SETD2: variants seen among roughly 807,000 people sequenced by gnomAD.
SETD2 encodes histone-lysine N-methyltransferase SETD2.
Under a neutral mutation model 242.1 loss-of-function variants are expected in SETD2, and 31 were observed. The ratio of observed to expected loss-of-function variants is 0.13; its 90% CI spans 0.10 to 0.17. SETD2 has a LOEUF of 0.17. Among genes scored for constraint, SETD2 ranks in the 10% least tolerant of loss-of-function variants. SETD2 has a pLI of 1.00. For missense variants in SETD2, 2,481 were observed against 3,046.3 expected (o/e 0.81, Z 4.37); for synonymous variants, 1,006 against 1,066.5 (o/e 0.94, Z 1.11).
intron 5 of SETD2, among the ~76,000 whole-genome samples, chr3:47,109,557 G>A (rs982514305): frequency 6.6e-6 from 1 of 151,768 alleles, no homozygotes; most frequent in Non-Finnish European, 1.5e-5. Context: ...CTAAGGTTGG[G>A]GGATCACCTG....
intron 1 of SETD2, among the ~76,000 whole-genome samples, chr3:47,150,040 T>C (rs2043948102): frequency 7.3e-6 from 1 of 137,686 alleles, no homozygotes; most frequent in African/African-American, 2.7e-5. Flanking sequence ...TTTTTTTTTT[T>C]TTTTTTTTGA....
intron 13 of SETD2, chr3:47,064,597 C>T (rs1262056399): frequency 5.3e-6 from 2 of 374,004 alleles, no homozygotes; most frequent in East Asian, 9.5e-5. Context: ...ATATGTGAGG[C>T]AGACAAGTCA....
rs183601200 is a variant in SETD2 at position 47,116,500 on chromosome 3, T to A, written c.4586+123A>T. On this transcript the variant is annotated intron_variant, in intron 4 of 20. Coordinates refer to ENST00000409792, the MANE Select transcript of SETD2 (RefSeq NM_014159.7). ...CTATACATCAAAGTGTCTACTATAC[T>A]TTTTTGCTTGTAGTCATCCATAGGT... 6,875 of 888,124 alleles carry A rather than the reference T, an allele frequency of 7.7e-3. 33 individuals carry two copies. Among genetic ancestry groups the A allele is most frequent in the Non-Finnish European group, 0.01 (5,999 of 583,378 alleles). 55.0% of individuals were successfully genotyped at this position (888,124 alleles called of 1,614,324 possible).
intron 16 of SETD2, 140 bp downstream of exon 16, chr3:47,046,346 AT>A (rs199738270): frequency 0.027 from 16,038 of 589,252 alleles, 34 homozygotes; most frequent in East Asian, 0.064. Flanking sequence ...CAAAAAAAAA[AT>A]AAAATAAAAT....
At chr3:47,095,770 A>G (rs915831715) in intron 9 of SETD2, among the ~76,000 whole-genome samples, 1 of 152,174 alleles carries the variant, frequency 6.6e-6, no homozygotes, top group Non-Finnish European at 1.5e-5. Flanking sequence ...AAAAAAAGAA[A>G]AACTTTCAAA....
At position 47,121,461 on chromosome 3, in the gene SETD2, T is replaced by C; in HGVS notation, c.3175A>G (p.Ser1059Gly). Residue 1059 changes from serine to glycine, a missense_variant, in exon 3 of 21, where the codon AGC becomes GGC. By Grantham distance (56) the Ser-to-Gly change is moderately conservative. Coordinates refer to ENST00000409792, the MANE Select transcript of SETD2 (RefSeq NM_014159.7). ...TGGAGACGGTTTCTTGGAATACTGC[T>C]ATCATCCGAATCTGTATCTTCTGAA... is the stretch of plus-strand genomic sequence containing the variant. ...SDSEDTDSDD[S>G]SIPRNRLQSV... The C allele has an allele frequency of 1.2e-6, 2 of 1,613,474 alleles. No homozygotes were observed. The highest frequency in any genetic ancestry group is 1.7e-6 in the Non-Finnish European group (2 of 1,179,996).
At chr3:47,029,399 A>G (rs1034584706) in intron 18 of SETD2, among the ~76,000 whole-genome samples, 8 of 151,604 alleles carry the variant, frequency 5.3e-5, no homozygotes, top group Non-Finnish European at 7.4e-5. Context: ...CCCTGTCTTT[A>G]TCTGGTCATG....
At chr3:47,039,622 T>C (rs2039180934) in intron 17 of SETD2, among the ~76,000 whole-genome samples, 1 of 150,692 alleles carries the variant, frequency 6.6e-6, no homozygotes. Context: ...TCCCAGCACT[T>C]TGGGAGGCCG....
Position 47,123,412 on chromosome 3 carries a change from C to G in SETD2, c.1224G>C (p.Arg408Ser), listed in dbSNP as rs2106703173. 1 of 1,551,670 alleles carries G rather than the reference C, an allele frequency of 6.4e-7. No individual in the cohort carries two copies. Among genetic ancestry groups the G allele is most frequent in the East Asian group, 2.4e-5 (1 of 40,918 alleles). Residue 408 changes from arginine to serine, a missense_variant, in exon 3 of 21, where the codon AGG becomes AGC. Coordinates refer to ENST00000409792, the MANE Select transcript of SETD2 (RefSeq NM_014159.7). ...RERRRSRSHS[R>S]SERGSRTNLS... is the part of the protein sequence containing the mutation. The stretch of plus-strand genomic sequence containing the variant: ...AATTAGTTCTAGAGCCTCTCTCAGA[C>G]CTAGAGTGAGATCTGCTCCGCCGTC...
chr3:47,158,618 C>T (rs769666892), intron 1 of SETD2, among the ~76,000 whole-genome samples: 1 of 152,142 alleles, frequency 6.6e-6, no homozygotes, highest in African/African-American at 2.4e-5. Context: ...GTATATAATA[C>T]ACATAACATA....
In SETD2 at chr3:47,088,320, T is replaced by G; in HGVS notation, c.5143-73A>C. The G allele has an allele frequency of 6.8e-6, 10 of 1,467,586 alleles. No homozygotes were observed. In the South Asian group the frequency reaches 1.3e-4, roughly 19 times the overall value. 90.9% of individuals were successfully genotyped at this position (1,467,586 alleles called of 1,614,324 possible). A position where few individuals can be genotyped will look rare whatever the true frequency, so the allele number is the denominator to read the frequency against. On this transcript the variant is annotated intron_variant, in intron 9 of 20. Coordinates refer to ENST00000409792, the MANE Select transcript of SETD2 (RefSeq NM_014159.7). ...AAAAAAAACCAAAAACCCAAAAAGTTGCTCAACCTTATCAATTATCAGGAA... is the reference window on the plus strand; with the variant it reads ...AAAAAAAACCAAAAACCCAAAAAGTGGCTCAACCTTATCAATTATCAGGAA...
chr3:47,134,271 A>G (rs2043544850), intron 1 of SETD2, among the ~76,000 whole-genome samples: 1 of 152,230 alleles, frequency 6.6e-6, no homozygotes, highest in African/African-American at 2.4e-5. Flanking sequence ...TTTGGAACGA[A>G]TGAGTTAAAG....
At chr3:47,103,265 C>A in intron 7 of SETD2, 81 bp downstream of exon 7, 4 of 881,712 alleles carry the variant, frequency 4.5e-6, no homozygotes, top group South Asian at 4.4e-5. Context: ...TCATGAGTAC[C>A]TTAGATATGG....
At chr3:47,041,284 T>C (rs12486248) in intron 17 of SETD2, 12,171 of 351,062 alleles carry the variant, frequency 0.035, 679 homozygotes, top group Admixed American at 0.16. Flanking sequence ...AATAAAACTT[T>C]ATTTGCCAAA....
At chr3:47,153,156 G>A (rs774019564) in intron 1 of SETD2, among the ~76,000 whole-genome samples, 4,606 of 152,002 alleles carry the variant, frequency 0.03, 231 homozygotes, top group East Asian at 0.13. Context: ...CCAGTGAAGT[G>A]ATTATCTAAT....
chr3:47,108,858 G>A (rs1181323686), intron 5 of SETD2, among the ~76,000 whole-genome samples: 1 of 152,132 alleles, frequency 6.6e-6, no homozygotes. Context: ...TAAGATTTAG[G>A]TTTCTTAGAG....
chr3:47,031,382 C>T (rs1282571465), intron 18 of SETD2, among the ~76,000 whole-genome samples: 1 of 152,206 alleles, frequency 6.6e-6, no homozygotes, highest in Non-Finnish European at 1.5e-5. Flanking sequence ...ACTCTCCGTA[C>T]TTCCTGTTCA....
intron 1 of SETD2, among the ~76,000 whole-genome samples, chr3:47,131,374 C>T (rs9869489): frequency 0.042 from 6,435 of 152,130 alleles, 465 homozygotes; most frequent in African/African-American, 0.15. Context: ...GACAGAGTAT[C>T]GCTCTGTCGC....
chr3:47,075,942 T>G (rs1484107327), intron 12 of SETD2, among the ~76,000 whole-genome samples: 6 of 152,204 alleles, frequency 3.9e-5, no homozygotes, highest in Non-Finnish European at 7.3e-5. Flanking sequence ...AAGATGGACT[T>G]TCTTCATATT....
Sources: gnomAD v4.1 joint callset for allele counts (sites outside exome capture counted in the v4.1 genomes callset) on GRCh38, gnomAD v4.1.1 for gene constraint, MANE v1.5 for transcripts, NCBI Gene and HGNC (gene_info 2026-07-23, HGNC 2026-07-21) for gene names.